The following TXNDC15 variants were observed in gnomAD, a reference collection of about 807,000 sequenced individuals.
The protein encoded by TXNDC15 is thioredoxin domain-containing protein 15.
Under a neutral mutation model 35.0 loss-of-function variants are expected in TXNDC15, and 24 were observed. The observed-to-expected ratio is 0.68, with a 90% CI of 0.50 to 0.96. The LOEUF (loss-of-function observed/expected upper bound fraction) is 0.96, where lower values mean the gene tolerates loss of function less well. Ranked by LOEUF, TXNDC15 falls within the 40% of genes least tolerant of loss-of-function variation. The pLI, the probability that TXNDC15 is intolerant of heterozygous loss-of-function variation, is 0.00. For missense variants in TXNDC15, 385 were observed against 453.3 expected (o/e 0.85, Z 1.37); for synonymous variants, 169 against 174.0 (o/e 0.97, Z 0.23).
intron 1 of TXNDC15, chr5:134,874,986 C>T: frequency 2.7e-6 from 1 of 377,340 alleles, no homozygotes; most frequent in Non-Finnish European, 5.2e-6. Flanking sequence ...CGTTTAGTGT[C>T]TCCATTTCAC....
intron 2 of TXNDC15, among the ~76,000 whole-genome samples, chr5:134,889,589 G>C (rs944192858): frequency 3.3e-5 from 5 of 152,184 alleles, no homozygotes; most frequent in Non-Finnish European, 5.9e-5. Context: ...GCTTAGTTCA[G>C]ACTTAGCTCT....
At position 134,893,603 on chromosome 5, in the gene TXNDC15, C is replaced by T. The variant is rs563251762; in HGVS notation, c.703C>T (p.Arg235Trp). ...GGCCCCTCACTTTAACTCTCTGCCC[C>T]GGGCATTTCCAGCTCTTCACTTTTT... ...SLAPHFNSLP[R>W]AFPALHFLAL... The change falls in exon 3 of 5, where the codon CGG (arginine) becomes TGG (tryptophan). Residue 235 changes from arginine to tryptophan, a missense_variant. Arg to Trp is a moderately radical substitution (Grantham distance 101, BLOSUM62 -3). Transcript: ENST00000358387. 21 of 1,614,212 alleles carry T rather than the reference C, an allele frequency of 1.3e-5. No individual in the cohort carries two copies. Among genetic ancestry groups the T allele is most frequent in the South Asian group, 8.8e-5 (8 of 91,086 alleles).
intron 3 of TXNDC15, among the ~76,000 whole-genome samples, chr5:134,894,012 G>A (rs1750440685): frequency 6.6e-6 from 1 of 152,078 alleles, no homozygotes; most frequent in Admixed American, 6.6e-5. Context: ...TAAGGCGCAG[G>A]TTAAATCCCC....
intron 1 of TXNDC15, among the ~76,000 whole-genome samples, chr5:134,882,777 C>G (rs1236827479): frequency 3.3e-5 from 5 of 151,802 alleles, no homozygotes; most frequent in African/African-American, 9.7e-5. Context: ...TGCAGTGAGC[C>G]GAGATGGCAG....
In TXNDC15 at chr5:134,899,646, G is replaced by A. The variant is rs1750562973; in HGVS notation, c.1044G>A (p.Arg348=). 6.2e-7 allele frequency: 1 copy of A among 1,612,226 alleles called. No individual in the cohort carries two copies. The change falls in exon 5 of 5, where the codon CGG becomes CGA. Residue 348 remains arginine (R), a synonymous_variant. Coordinates refer to ENST00000358387, the MANE Select transcript of TXNDC15 (RefSeq NM_024715.4). ...CTACCATTCGAACTGAGAGTATTCG[G>A]TGGCTAATTCCAGGACAAGAGCAGG... is the stretch of plus-strand genomic sequence containing the variant. ...MYATIRTESI[R]WLIPGQEQEH... is the part of the protein sequence containing the mutation.
In TXNDC15 at chr5:134,899,841, A is replaced by G. The variant is rs1750566492; in HGVS notation, c.*156A>G. On this transcript the variant is annotated 3_prime_UTR_variant, in exon 5 of 5. Transcript: ENST00000358387. ...GAACAACTGAATGTATAAAAAAATT[A>G]TAAACTGGTGTTTTAACTAGTATTG... The G allele has an allele frequency of 3.3e-6, 2 of 614,636 alleles. No individual in the cohort carries two copies. The highest frequency in any genetic ancestry group is 6.2e-5 in the East Asian group (2 of 32,092). 38.1% of individuals were successfully genotyped at this position (614,636 alleles called of 1,614,324 possible). A position where few individuals can be genotyped will look rare whatever the true frequency, so the allele number is the denominator to read the frequency against.
At chr5:134,874,339 C>T (rs2150182101), upstream of TXNDC15, 2 of 1,165,430 alleles carry the variant, frequency 1.7e-6, no homozygotes, top group Non-Finnish European at 2.3e-6. Context: ...GGGGCCGCGC[C>T]CGCGCTCCCA....
chr5:134,876,766 C>G (rs1448787362), intron 1 of TXNDC15, among the ~76,000 whole-genome samples: 1 of 147,190 alleles, frequency 6.8e-6, no homozygotes, highest in East Asian at 2.0e-4. Context: ...GAGGATGCCA[C>G]TGGCAGATTA....
At chr5:134,898,679 C>CT (rs774919082) in intron 4 of TXNDC15, among the ~76,000 whole-genome samples, 1 of 152,186 alleles carries the variant, frequency 6.6e-6, no homozygotes, top group Non-Finnish European at 1.5e-5. Context: ...ATTCAGTGCT[C>CT]TAAGAAAACC....
At chr5:134,879,254 C>T (rs1177966784) in intron 1 of TXNDC15, among the ~76,000 whole-genome samples, 1 of 152,224 alleles carries the variant, frequency 6.6e-6, no homozygotes, top group Non-Finnish European at 1.5e-5. Flanking sequence ...GCACCACTTA[C>T]ATTCCCTTTT....
intron 1 of TXNDC15, among the ~76,000 whole-genome samples, chr5:134,879,952 C>T (rs1209342857): frequency 1.3e-5 from 2 of 152,132 alleles, no homozygotes; most frequent in Non-Finnish European, 2.9e-5. Flanking sequence ...CATGCCGCCA[C>T]ATCTGGCTAA....
chr5:134,882,804 C>G (rs1251759138), intron 1 of TXNDC15, among the ~76,000 whole-genome samples: 1 of 151,922 alleles, frequency 6.6e-6, no homozygotes, highest in Non-Finnish European at 1.5e-5. Flanking sequence ...AGTCCAGCTT[C>G]GGCTCGGCAT....
At chr5:134,882,069 G>A (rs1308292857) in intron 1 of TXNDC15, among the ~76,000 whole-genome samples, 1 of 150,936 alleles carries the variant, frequency 6.6e-6, no homozygotes. Context: ...GCTGGGCGGA[G>A]GGGCTCCTCA....
chr5:134,888,733 C>T lies in TXNDC15; in HGVS notation c.591+551C>T, dbSNP rs1262404990. ...CTGACTTCAGGTAATCCACCCGTCT[C>T]GGCCTCCCAAAGTGCTGGGATTACA... On this transcript the variant is annotated intron_variant, in intron 2 of 4. Coordinates refer to ENST00000358387, the MANE Select transcript of TXNDC15 (RefSeq NM_024715.4). 3.9e-5 allele frequency among the ~76,000 whole-genome samples: 6 copies of T among 152,210 alleles called. No homozygotes were observed. In the South Asian group the frequency reaches 6.2e-4, roughly 16 times the overall value.
At chr5:134,896,131 G>C in intron 3 of TXNDC15, 163 bp from the exon 4 acceptor site, 1 of 697,660 alleles carries the variant, frequency 1.4e-6, no homozygotes, top group East Asian at 3.1e-5. Context: ...CATAAGCAAA[G>C]AGGTCAGAAA....
In TXNDC15 at chr5:134,899,639, G is replaced by A. The variant is rs1350337149; in HGVS notation, c.1037G>A (p.Ser346Asn). Reference sequence around the variant, plus strand: ...ATGTATGCTACCATTCGAACTGAGAGTATTCGGTGGCTAATTCCAGGACAA... The same window carrying A: ...ATGTATGCTACCATTCGAACTGAGAATATTCGGTGGCTAATTCCAGGACAA... Reference protein sequence around the residue: ...FIMYATIRTESIRWLIPGQEQ... With the variant: ...FIMYATIRTENIRWLIPGQEQ... The change falls in exon 5 of 5, where the codon AGT (serine) becomes AAT (asparagine). Residue 346 changes from serine (S) to asparagine (N), a missense_variant. Coordinates refer to ENST00000358387, the MANE Select transcript of TXNDC15 (RefSeq NM_024715.4). 10 of 1,612,546 alleles carry A rather than the reference G, an allele frequency of 6.2e-6. No homozygotes were observed. The highest frequency in any genetic ancestry group is 5.0e-5 in the Admixed American group (3 of 59,592).
intron 1 of TXNDC15, among the ~76,000 whole-genome samples, chr5:134,885,077 C>T (rs1750248704): frequency 6.6e-6 from 1 of 152,082 alleles, no homozygotes; most frequent in Non-Finnish European, 1.5e-5. Flanking sequence ...TGCCCGCCAC[C>T]ATGCATGGCT....
At chr5:134,892,293 C>G (rs527386614) in intron 2 of TXNDC15, 1 of 152,168 alleles carries the variant, frequency 6.6e-6, no homozygotes, top group Non-Finnish European at 1.5e-5. Flanking sequence ...CCAACCCCAG[C>G]TAATTTCAGA....
rs751610507 is a variant in TXNDC15 at position 134,887,993 on chromosome 5, T to C, written c.402T>C (p.Asp134=). The C allele has an allele frequency of 5.0e-6, 8 of 1,614,220 alleles. No individual in the cohort carries two copies. In the South Asian group the frequency reaches 5.5e-5, roughly 11 times the overall value. Residue 134 remains aspartate (D), a synonymous_variant, in exon 2 of 5, where the codon GAT becomes GAC. Coordinates refer to ENST00000358387, the MANE Select transcript of TXNDC15 (RefSeq NM_024715.4). ...TCCGAGAGAGCCTTTTCTCTCTGGA[T>C]GGCGCTGGAGCACACTTCCCTGACA... ...CNVRESLFSL[D]GAGAHFPDRE...
Sources: allele counts gnomAD v4.1 joint callset (sites outside exome capture counted in the v4.1 genomes callset), GRCh38; gene constraint gnomAD v4.1.1; transcripts MANE v1.5; gene names NCBI Gene and HGNC (gene_info 2026-07-23, HGNC 2026-07-21).